Variants in CSMD2 observed in about 807,000 individuals in gnomAD.
The protein encoded by CSMD2 is CUB and Sushi multiple domains 2, also known as CUB and sushi domain-containing protein 2.
In CSMD2, 130 loss-of-function variants were observed where a neutral mutation model predicts 398.5. That is an observed-to-expected ratio of 0.33 (90% CI 0.28 to 0.38). CSMD2 has a LOEUF of 0.38. Ranked by LOEUF, CSMD2 falls within the 10% of genes least tolerant of loss-of-function variation. The pLI, the probability that CSMD2 is intolerant of heterozygous loss-of-function variation, is 1.00. For synonymous variants in CSMD2, 1,828 were observed against 1,908.5 expected, an observed-to-expected ratio of 0.96 and a Z score of 1.10; for missense variants, 3,829 against 4,764.9, an observed-to-expected ratio of 0.80 and a Z score of 5.78.
In CSMD2 at chr1:33,864,285, C is replaced by T. The variant is rs536684668; in HGVS notation, c.921-17289G>A. On this transcript the variant is annotated intron_variant, in intron 5 of 70. Transcript: ENST00000373381. ...CAGAAACAAATTCAAGGAGCAGCAG[C>T]CAAATACCTATGTTGGCTTTAAAGA... is the stretch of plus-strand genomic sequence containing the variant. 3.7e-6 allele frequency: 6 copies of T among 1,613,184 alleles called. No individual in the cohort carries two copies. In the Admixed American group the frequency reaches 5.0e-5, roughly 13 times the overall value.
Position 33,666,541 on chromosome 1 carries a change from ATGTGTGTGTGTG to A in CSMD2, c.4053-3461_4053-3450del, listed in dbSNP as rs67825405. 6.7e-5 allele frequency among the ~76,000 whole-genome samples: 10 copies of A among 148,742 alleles called. No homozygotes were observed. In the East Asian group the frequency reaches 7.9e-4, roughly 12 times the overall value. On this transcript the variant is annotated intron_variant, in intron 25 of 70. Coordinates refer to ENST00000373381, the MANE Select transcript of CSMD2 (RefSeq NM_001281956.2). Reference sequence around the variant, plus strand: ...TAGTTATTTATTGTCAGATATATATATGTGTGTGTGTGTGTGTGTGTGTGTGTTTCTTACTTT... The same window carrying A: ...TAGTTATTTATTGTCAGATATATATATGTGTGTGTGTGTGTTTCTTACTTT...
intron 3 of CSMD2, among the ~76,000 whole-genome samples, chr1:33,969,395 C>T (rs1159238058): frequency 6.6e-6 from 1 of 152,160 alleles, no homozygotes; most frequent in South Asian, 2.1e-4. Context: ...ATACACATGG[C>T]TCACATTTGA....
At chr1:34,079,293 T>A (rs1656784788) in intron 2 of CSMD2, among the ~76,000 whole-genome samples, 1 of 152,118 alleles carries the variant, frequency 6.6e-6, no homozygotes, top group Non-Finnish European at 1.5e-5. Flanking sequence ...ATAAGGGGTA[T>A]CCCGATTGGA....
At chr1:33,863,859 G>A (rs1180537961) in intron 5 of CSMD2, 1 of 208,726 alleles carries the variant, frequency 4.8e-6, no homozygotes, top group Non-Finnish European at 9.5e-6. Context: ...ATTATTTCTG[G>A]GGGACATAGC....
chr1:33,974,933 A>C (rs1163744887), intron 3 of CSMD2, among the ~76,000 whole-genome samples: 2 of 152,172 alleles, frequency 1.3e-5, no homozygotes, highest in African/African-American at 4.8e-5. Context: ...GCAAATGAAG[A>C]GGGTACTCTA....
chr1:33,751,204 T>TG (rs1435052475), intron 13 of CSMD2, among the ~76,000 whole-genome samples: 1 of 150,122 alleles, frequency 6.7e-6, no homozygotes, highest in Non-Finnish European at 1.5e-5. Context: ...GCTATTGAGT[T>TG]GGGAAAAAAA....
intron 3 of CSMD2, among the ~76,000 whole-genome samples, chr1:33,980,341 G>A (rs559101663): frequency 6.6e-6 from 1 of 152,294 alleles, no homozygotes; most frequent in African/African-American, 2.4e-5. Flanking sequence ...AGCTGTCAGT[G>A]CAAAGCACTG....
chr1:33,665,454 TTC>T (rs1644275630), intron 25 of CSMD2, among the ~76,000 whole-genome samples: 1 of 147,988 alleles, frequency 6.8e-6, no homozygotes, highest in Admixed American at 6.9e-5. Flanking sequence ...AGTTTCTTTC[TTC>T]TCTCTTTTTT....
chr1:33,620,806 CT>C (rs34986869), intron 37 of CSMD2, among the ~76,000 whole-genome samples: 10,050 of 91,986 alleles, frequency 0.11, 346 homozygotes, highest in Non-Finnish European at 0.14. Context: ...TGTCCTGGGT[CT>C]TTTTTTTTTT....
chr1:33,712,366 T>C (rs1646021459), intron 21 of CSMD2, among the ~76,000 whole-genome samples: 1 of 152,136 alleles, frequency 6.6e-6, no homozygotes, highest in Non-Finnish European at 1.5e-5. Context: ...CCCAGGGCTG[T>C]TCATCTCCTT....
intron 25 of CSMD2, among the ~76,000 whole-genome samples, chr1:33,669,685 G>C (rs1317068566): frequency 6.6e-6 from 1 of 152,188 alleles, no homozygotes; most frequent in Non-Finnish European, 1.5e-5. Context: ...CCTGGTACCT[G>C]TGTGACTGTG....
intron 2 of CSMD2, among the ~76,000 whole-genome samples, chr1:34,043,080 C>A (rs942957634): frequency 6.6e-6 from 1 of 151,946 alleles, no homozygotes; most frequent in Non-Finnish European, 1.5e-5. Context: ...CCCGCCACCA[C>A]GCCCAGCTAA....
intron 13 of CSMD2, among the ~76,000 whole-genome samples, chr1:33,753,527 G>T (rs1401101375): frequency 2.0e-5 from 3 of 152,256 alleles, no homozygotes; most frequent in African/African-American, 7.2e-5. Context: ...GGATGATGTG[G>T]AGTGGCAATG....
At chr1:33,526,826 C>A (rs575804079) in intron 65 of CSMD2, among the ~76,000 whole-genome samples, 6 of 152,292 alleles carry the variant, frequency 3.9e-5, no homozygotes, top group African/African-American at 1.4e-4. Context: ...TTGGAAAGAC[C>A]CCAGACCTAT....
intron 55 of CSMD2, among the ~76,000 whole-genome samples, chr1:33,557,067 A>G (rs943448544): frequency 1.3e-5 from 2 of 152,158 alleles, no homozygotes; most frequent in African/African-American, 4.8e-5. Context: ...GTTGTCCCCA[A>G]TTCTTTTCCT....
chr1:33,781,687 C>T (rs1335273613), intron 12 of CSMD2, among the ~76,000 whole-genome samples: 1 of 152,156 alleles, frequency 6.6e-6, no homozygotes, highest in African/African-American at 2.4e-5. Flanking sequence ...AGGAGACTTC[C>T]AGATTGATGC....
chr1:33,544,679 G>A (rs1656702284), intron 57 of CSMD2, among the ~76,000 whole-genome samples: 1 of 151,984 alleles, frequency 6.6e-6, no homozygotes, highest in Non-Finnish European at 1.5e-5. Context: ...GGGAGGGGGA[G>A]GATGAAGAGA....
intron 3 of CSMD2, among the ~76,000 whole-genome samples, chr1:34,022,988 T>G (rs557163827): frequency 5.5e-4 from 84 of 152,144 alleles, no homozygotes; most frequent in Non-Finnish European, 1.1e-3. Flanking sequence ...CATACCACCA[T>G]GCCTAGCTAA....
At chr1:33,630,417 C>T (rs988689945) in intron 32 of CSMD2, among the ~76,000 whole-genome samples, 1 of 152,106 alleles carries the variant, frequency 6.6e-6, no homozygotes. Flanking sequence ...AATTACAAAA[C>T]TCATTTACTC....
Sources: allele counts gnomAD v4.1 joint callset (sites outside exome capture counted in the v4.1 genomes callset), GRCh38; gene constraint gnomAD v4.1.1; transcripts MANE v1.5; gene names NCBI Gene and HGNC (gene_info 2026-07-23, HGNC 2026-07-21).